PARP16: variants seen among roughly 807,000 people sequenced by gnomAD.
PARP16 encodes the protein poly(ADP-ribose) polymerase family member 16, also known as protein mono-ADP-ribosyltransferase PARP16.
In PARP16, 31 loss-of-function variants were observed where a neutral mutation model predicts 35.0. That is an observed-to-expected ratio of 0.88 (90% CI 0.66 to 1.19). The LOEUF is 1.19. Among genes scored for constraint, PARP16 ranks in the 50% most tolerant of loss-of-function variants. The probability of loss-of-function intolerance (pLI) is 0.00; values close to 1 mark genes in which losing one functional copy is unlikely to be tolerated. For missense variants in PARP16, 424 were observed against 411.2 expected (o/e 1.03, Z -0.27); for synonymous variants, 162 against 169.5 (o/e 0.96, Z 0.34).
chr15:65,263,919 G>A (rs536798105), intron 3 of PARP16, among the ~76,000 whole-genome samples: 1 of 152,218 alleles, frequency 6.6e-6, no homozygotes, highest in South Asian at 2.1e-4. Context: ...GTACAGGGAA[G>A]GGGTCCCACC....
At chr15:65,231,409 T>G (rs1185035732), downstream of PARP16, among the ~76,000 whole-genome samples, 1 of 152,112 alleles carries the variant, frequency 6.6e-6, no homozygotes, top group Non-Finnish European at 1.5e-5. Flanking sequence ...GCTTTCTTAA[T>G]TATTCTTTAT....
chr15:65,250,777 G>C (rs1398016132), intron 2 of PARP16, among the ~76,000 whole-genome samples: 1 of 152,172 alleles, frequency 6.6e-6, no homozygotes, highest in Non-Finnish European at 1.5e-5. Context: ...GAGGCCAGAA[G>C]CCAGTCCAAG....
downstream of PARP16, among the ~76,000 whole-genome samples, chr15:65,231,099 G>A (rs2088774702): frequency 6.6e-6 from 1 of 151,946 alleles, no homozygotes; most frequent in African/African-American, 2.4e-5. Context: ...TGTTGGCCAG[G>A]CCAGTCTCGA....
Position 65,259,329 on chromosome 15 carries a change from A to C in PARP16, c.*78T>G. 1 of 1,477,494 alleles carries C rather than the reference A, an allele frequency of 6.8e-7. No individual in the cohort carries two copies. Among genetic ancestry groups the C allele is most frequent in the Non-Finnish European group, 9.4e-7 (1 of 1,064,456 alleles). The allele number at this position is 1,477,494 out of a possible 1,614,324, so 91.5% of individuals were successfully genotyped here. A position where few individuals can be genotyped will look rare whatever the true frequency, so the allele number is the denominator to read the frequency against. ...TGGCCCCTAGGCTCAACCTGGCTGGACATGAGGCATAGGAGGTACAGAACA... is the reference window on the plus strand; with the variant it reads ...TGGCCCCTAGGCTCAACCTGGCTGGCCATGAGGCATAGGAGGTACAGAACA... On this transcript the variant is annotated 3_prime_UTR_variant, in exon 6 of 6. Coordinates refer to ENST00000649807, the MANE Select transcript of PARP16 (RefSeq NM_001316943.2).
At position 65,266,593 on chromosome 15, in the gene PARP16, A is replaced by G. The variant is rs2089897535; in HGVS notation, c.488T>C (p.Ile163Thr). Residue 163 changes from isoleucine (I) to threonine (T), a missense_variant, in exon 3 of 6, where the codon ATC (isoleucine) becomes ACC (threonine). Coordinates refer to ENST00000649807, the MANE Select transcript of PARP16 (RefSeq NM_001316943.2). ...GSRLENFHSI[I>T]HNGLHCHLNK... ...CAGATGGCAGTGCAGGCCATTGTGG[A>G]TAATGGAATGGAAGTTTTCTAGGCG... The G allele has an allele frequency of 6.2e-7, 1 of 1,613,972 alleles. No individual in the cohort carries two copies. Among genetic ancestry groups the G allele is most frequent in the Non-Finnish European group, 8.5e-7 (1 of 1,180,006 alleles).
At chr15:65,248,479 A>G (rs1482730832) in intron 2 of PARP16, among the ~76,000 whole-genome samples, 2 of 152,032 alleles carry the variant, frequency 1.3e-5, no homozygotes, top group Non-Finnish European at 1.5e-5. Context: ...ACTCACATAC[A>G]TGGGCTTATA....
At chr15:65,243,007 G>T (rs12593533) in intron 3 of PARP16, among the ~76,000 whole-genome samples, 1 of 151,852 alleles carries the variant, frequency 6.6e-6, no homozygotes, top group African/African-American at 2.4e-5. Context: ...GAGCCACTGC[G>T]CCTGGTCCCT....
intron 4 of PARP16, 23 bp downstream of exon 4, chr15:65,263,126 G>A (rs1459431231): frequency 6.2e-7 from 1 of 1,608,994 alleles, no homozygotes; most frequent in South Asian, 1.1e-5. Flanking sequence ...TGTAGCCCAG[G>A]TCTGGACCAA....
At chr15:65,268,238 G>T (rs1373885541) in intron 2 of PARP16, among the ~76,000 whole-genome samples, 1 of 152,116 alleles carries the variant, frequency 6.6e-6, no homozygotes, top group East Asian at 1.9e-4. Flanking sequence ...CTTGAGAAGG[G>T]CTTGTCTTTC....
chr15:65,255,391 TATTC>T (rs1440961813), downstream of PARP16, among the ~76,000 whole-genome samples: 8 of 152,254 alleles, frequency 5.3e-5, no homozygotes, highest in Non-Finnish European at 8.8e-5. Flanking sequence ...TACATAAATA[TATTC>T]ATTTTTATAT....
intron 4 of PARP16, among the ~76,000 whole-genome samples, chr15:65,262,019 A>T (rs1323684992): frequency 1.3e-5 from 2 of 151,968 alleles, no homozygotes; most frequent in Non-Finnish European, 2.9e-5. Flanking sequence ...CCGGTTTGGG[A>T]GGGTGGTGTC....
chr15:65,249,934 A>G (rs886413041), intron 2 of PARP16, among the ~76,000 whole-genome samples: 1 of 152,120 alleles, frequency 6.6e-6, no homozygotes, highest in Non-Finnish European at 1.5e-5. Context: ...CACTTCTGAC[A>G]TTGCAGGTGC....
intron 1 of PARP16, among the ~76,000 whole-genome samples, chr15:65,276,627 A>G (rs558816604): frequency 3.9e-5 from 6 of 152,260 alleles, no homozygotes; most frequent in African/African-American, 1.4e-4. Flanking sequence ...TCAGCCTCAC[A>G]AAGTGCTGGG....
intron 3 of PARP16, among the ~76,000 whole-genome samples, chr15:65,236,015 G>T (rs558424406): frequency 6.6e-6 from 1 of 151,896 alleles, no homozygotes; most frequent in South Asian, 2.1e-4. Flanking sequence ...GTGCCACCAT[G>T]CCCAGCTATT....
chr15:65,253,424 G>T (rs1044576594), downstream of PARP16, among the ~76,000 whole-genome samples: 2 of 149,968 alleles, frequency 1.3e-5, no homozygotes, highest in African/African-American at 2.5e-5. Flanking sequence ...TCCGCCTCCC[G>T]GGTTCACGCC....
downstream of PARP16, among the ~76,000 whole-genome samples, chr15:65,254,294 C>T (rs190012017): frequency 7.2e-5 from 11 of 152,256 alleles, no homozygotes; most frequent in South Asian, 4.1e-4. Context: ...TGGGTGGAGA[C>T]GGTGGTTTCT....
At chr15:65,249,477 C>T (rs746110847) in intron 2 of PARP16, among the ~76,000 whole-genome samples, 2 of 152,226 alleles carry the variant, frequency 1.3e-5, no homozygotes, top group Non-Finnish European at 2.9e-5. Flanking sequence ...AGAAATGTCT[C>T]GTTCAACCTG....
At chr15:65,268,120 C>A (rs2089968701) in intron 2 of PARP16, among the ~76,000 whole-genome samples, 1 of 152,166 alleles carries the variant, frequency 6.6e-6, no homozygotes, top group Non-Finnish European at 1.5e-5. Context: ...GGGATTCTAC[C>A]AAGATCCCAT....
rs1467047093 is a variant in PARP16 at position 65,258,349 on chromosome 15, C to G, written c.*1058G>C. On this transcript the variant is annotated 3_prime_UTR_variant, in exon 6 of 6. Transcript: ENST00000649807. ...AAGGCTTTTCCTACACATTAAAGCCCAGGCTGAGTCTCAAAGACCTGTGAC... is the reference window on the plus strand; with the variant it reads ...AAGGCTTTTCCTACACATTAAAGCCGAGGCTGAGTCTCAAAGACCTGTGAC... 2.6e-5 allele frequency: 4 copies of G among 152,366 alleles called. No individual in the cohort carries two copies. The East Asian group carries it at 7.7e-4, about 29-fold the overall frequency. The allele number at this position is 152,366 out of a possible 1,614,324, so 9.4% of individuals were successfully genotyped here. A position where few individuals can be genotyped will look rare whatever the true frequency, so the allele number is the denominator to read the frequency against.
Sources: allele counts gnomAD v4.1 joint callset (sites outside exome capture counted in the v4.1 genomes callset), GRCh38; gene constraint gnomAD v4.1.1; transcripts MANE v1.5; gene names NCBI Gene and HGNC (gene_info 2026-07-23, HGNC 2026-07-21).